Variants in NEK10 observed in about 807,000 individuals in gnomAD.
NEK10 encodes the protein NIMA related kinase 10, also known as serine/threonine-protein kinase Nek10.
NEK10 carries 122 observed loss-of-function variants against 159.8 expected under a neutral mutation model. The observed-to-expected ratio is 0.76, with a 90% CI of 0.66 to 0.89. The LOEUF is 0.89. NEK10 is among the 40% of genes least tolerant of loss of function. The pLI, the probability that NEK10 is intolerant of heterozygous loss-of-function variation, is 0.00. For missense variants in NEK10, 1,342 were observed against 1,323.1 expected (o/e 1.01, Z -0.22); for synonymous variants, 466 against 457.1 (o/e 1.02, Z -0.25).
intron 32 of NEK10, 71 bp from the exon 33 acceptor site, chr3:27,119,939 G>T: frequency 8.8e-7 from 1 of 1,132,036 alleles, no homozygotes; most frequent in East Asian, 2.4e-5. Context: ...CTCTGTGTGG[G>T]GTTTTTCATT....
At chr3:27,152,170 T>A (rs1944946998) in intron 30 of NEK10, among the ~76,000 whole-genome samples, 1 of 152,096 alleles carries the variant, frequency 6.6e-6, no homozygotes, top group African/African-American at 2.4e-5. Context: ...TGCAAAAAGA[T>A]CATCACCTAG....
At chr3:27,189,314 T>C (rs967467679) in intron 26 of NEK10, among the ~76,000 whole-genome samples, 12 of 152,068 alleles carry the variant, frequency 7.9e-5, no homozygotes, top group African/African-American at 2.4e-4. Flanking sequence ...TGAAAGTAAA[T>C]AGAATACTTC....
At chr3:27,262,714 A>T (rs1351456512) in intron 22 of NEK10, among the ~76,000 whole-genome samples, 2 of 152,182 alleles carry the variant, frequency 1.3e-5, no homozygotes, top group East Asian at 3.9e-4. Flanking sequence ...TGCATTGATT[A>T]TTCTAGTTAG....
At chr3:27,352,649 A>T (rs2048054384) in intron 2 of NEK10, 124 bp from the exon 3 acceptor site, 2 of 834,882 alleles carry the variant, frequency 2.4e-6, no homozygotes, top group Middle Eastern at 4.5e-4. Context: ...TACACACACT[A>T]AACATTTTCT....
chr3:27,284,000 T>C (rs78499657), intron 22 of NEK10, among the ~76,000 whole-genome samples: 6,273 of 152,244 alleles, frequency 0.041, 215 homozygotes, highest in African/African-American at 0.096. Context: ...CATTCCCTCA[T>C]ATGGGCAAAA....
Position 27,249,485 on chromosome 3 carries a change from T to C in NEK10, c.2090+6811A>G, listed in dbSNP as rs915439193. ...TATCATTATATAATGACTTTCTTTG[T>C]CTCTTCTTACAGTTTTTGTCTTGAA... On this transcript the variant is annotated intron_variant, in intron 23 of 35. Coordinates refer to ENST00000691995, the MANE Select transcript of NEK10 (RefSeq NM_001394966.1). Among the ~76,000 whole-genome samples the C allele has an allele frequency of 2.0e-5, 3 of 152,332 alleles. 1 individual carries two copies.
intron 16 of NEK10, among the ~76,000 whole-genome samples, chr3:27,292,507 AG>A (rs1286644475): frequency 4.6e-5 from 7 of 152,204 alleles, no homozygotes; most frequent in Admixed American, 2.0e-4. Flanking sequence ...GTTCACTAAA[AG>A]GGATGATTTA....
At chr3:27,193,600 ATTTTTTT>A (rs141331589) in intron 25 of NEK10, among the ~76,000 whole-genome samples, 1,140 of 55,108 alleles carry the variant, frequency 0.021, 8 homozygotes, top group South Asian at 0.04. Flanking sequence ...CATATGCTTG[ATTTTTTT>A]TTTTTTTTTT....
chr3:27,297,262 G>A, intron 13 of NEK10, 22 bp from the exon 14 acceptor site: 1 of 1,533,768 alleles, frequency 6.5e-7, no homozygotes, highest in East Asian at 2.2e-5. Flanking sequence ...ACAATCAAAT[G>A]CATAGTGTGC....
At chr3:27,176,160 A>G (rs1947486128) in intron 26 of NEK10, among the ~76,000 whole-genome samples, 2 of 152,302 alleles carry the variant, frequency 1.3e-5, no homozygotes, top group South Asian at 4.1e-4. Context: ...TACAAAAAAC[A>G]TTTGTGCATT....
At chr3:27,216,443 T>A (rs1951540844) in intron 23 of NEK10, 1 of 152,290 alleles carries the variant, frequency 6.6e-6, no homozygotes, top group African/African-American at 2.4e-5. Context: ...CTAGTATATA[T>A]GCCCTTGTAT....
At chr3:27,247,526 GTTTATTTTAT>G (rs577843384) in intron 23 of NEK10, among the ~76,000 whole-genome samples, 1,796 of 152,028 alleles carry the variant, frequency 0.012, 10 homozygotes, top group South Asian at 0.021. Flanking sequence ...CTAGAATTTT[GTTTATTTTAT>G]TTTATTTTAT....
At chr3:27,210,330 A>G (rs1437570663) in intron 23 of NEK10, among the ~76,000 whole-genome samples, 1 of 152,158 alleles carries the variant, frequency 6.6e-6, no homozygotes, top group Non-Finnish European at 1.5e-5. Context: ...ATCTCCCTCT[A>G]GTCCCATTCT....
At chr3:27,314,166 G>A (rs146823698) in intron 7 of NEK10, 131 bp downstream of exon 7, 141 of 681,462 alleles carry the variant, frequency 2.1e-4, no homozygotes, top group Non-Finnish European at 3.1e-4. Flanking sequence ...CACACTTAAC[G>A]CTGTCTGTCC....
rs564932584 is a variant in NEK10 at position 27,349,319 on chromosome 3, G to T, written c.133-3103C>A. Among the ~76,000 whole-genome samples the T allele has an allele frequency of 7.4e-4, 112 of 152,000 alleles. 1 individual carries two copies. Among genetic ancestry groups the T allele is most frequent in the African/African-American group, 1.9e-3 (79 of 41,468 alleles). ...TTATTTTACTCACTTCACCTAGAAT[G>T]CCCTTTCTATCAATTCCACTGACGG... On this transcript the variant is annotated intron_variant, in intron 3 of 35. Coordinates refer to ENST00000691995, the MANE Select transcript of NEK10 (RefSeq NM_001394966.1).
chr3:27,188,340 T>C (rs766968977), intron 26 of NEK10, among the ~76,000 whole-genome samples: 1 of 152,224 alleles, frequency 6.6e-6, no homozygotes, highest in Non-Finnish European at 1.5e-5. Flanking sequence ...AGTTACTTCA[T>C]GAATGGGGTC....
At chr3:27,322,036 G>A in intron 6 of NEK10, 141 bp downstream of exon 6, 1 of 562,466 alleles carries the variant, frequency 1.8e-6, no homozygotes, top group Non-Finnish European at 3.2e-6. Flanking sequence ...TAGTAGATGA[G>A]ACATTCCCCA....
At chr3:27,236,527 C>T (rs1186979964) in intron 23 of NEK10, among the ~76,000 whole-genome samples, 6 of 152,036 alleles carry the variant, frequency 3.9e-5, no homozygotes, top group Middle Eastern at 3.2e-3. Flanking sequence ...CCCTAAGTGT[C>T]GGCCAGTCTG....
chr3:27,280,009 A>G (rs981914156), intron 22 of NEK10, among the ~76,000 whole-genome samples: 3 of 151,726 alleles, frequency 2.0e-5, no homozygotes, highest in African/African-American at 7.3e-5. Context: ...CTCTCCTAAA[A>G]TACAAAAATT....
Sources: allele counts gnomAD v4.1 joint callset (sites outside exome capture counted in the v4.1 genomes callset), GRCh38; gene constraint gnomAD v4.1.1; transcripts MANE v1.5; gene names NCBI Gene and HGNC (gene_info 2026-07-23, HGNC 2026-07-21).